RAB20: variants seen among roughly 807,000 people sequenced by gnomAD.
The protein encoded by RAB20 is ras-related protein Rab-20.
RAB20 carries 2 observed loss-of-function variants against 3.7 expected under a neutral mutation model. The ratio of observed to expected loss-of-function variants is 0.54; its 90% CI spans 0.22 to 1.69. The LOEUF (loss-of-function observed/expected upper bound fraction) is 1.69, where lower values mean the gene tolerates loss of function less well. RAB20 is among the 40% of genes most tolerant of loss of function. The probability of loss-of-function intolerance (pLI) is 0.19; values close to 1 mark genes in which losing one functional copy is unlikely to be tolerated. For missense variants in RAB20, 276 were observed against 311.9 expected (o/e 0.88, Z 0.87); for synonymous variants, 126 against 130.8 (o/e 0.96, Z 0.25).
chr13:110,531,270 C>G (rs1884536132), intron 1 of RAB20, among the ~76,000 whole-genome samples: 1 of 152,218 alleles, frequency 6.6e-6, no homozygotes, highest in Admixed American at 6.5e-5. Context: ...CCTAGGGCCC[C>G]TTTGAGGTGG....
chr13:110,543,536 T>C (rs1337451001), intron 1 of RAB20, among the ~76,000 whole-genome samples: 3 of 152,240 alleles, frequency 2.0e-5, no homozygotes, highest in Non-Finnish European at 4.4e-5. Context: ...TTTCCAAATA[T>C]CTCCTCCCAT....
At chr13:110,554,262 C>T (rs1377299278) in intron 1 of RAB20, among the ~76,000 whole-genome samples, 1 of 152,236 alleles carries the variant, frequency 6.6e-6, no homozygotes, top group Non-Finnish European at 1.5e-5. Context: ...TGTCAGCCAG[C>T]CATGGGGTCC....
At chr13:110,545,509 T>C (rs1884836702) in intron 1 of RAB20, among the ~76,000 whole-genome samples, 1 of 152,222 alleles carries the variant, frequency 6.6e-6, no homozygotes, top group South Asian at 2.1e-4. Flanking sequence ...TGCCCACGCT[T>C]AGCAGAGCAT....
intron 1 of RAB20, among the ~76,000 whole-genome samples, chr13:110,541,854 G>A (rs1248076673): frequency 7.1e-6 from 1 of 140,992 alleles, no homozygotes; most frequent in Non-Finnish European, 1.5e-5. Context: ...TCACATACAT[G>A]CACGTACATG....
intron 1 of RAB20, among the ~76,000 whole-genome samples, chr13:110,548,636 G>A (rs1431857420): frequency 6.6e-6 from 1 of 152,000 alleles, no homozygotes; most frequent in Non-Finnish European, 1.5e-5. Context: ...TTTATGCGGG[G>A]TCTGTCGGTG....
rs1174731284 is a variant in RAB20, at chr13:110,523,672, C to T, written c.698G>A (p.Cys233Tyr). 6.2e-7 allele frequency: 1 copy of T among 1,612,412 alleles called. No individual in the cohort carries two copies. The highest frequency in any genetic ancestry group is 1.7e-4 in the Middle Eastern group (1 of 6,056). ...KPPKRTRSGC[C>Y]A ...CCAGGAGGCCCTCGAAAGTCAGGCA[C>T]AACACCCAGATCTGGTCCTCTTGGG... Residue 233 changes from cysteine to tyrosine, a missense_variant, in exon 2 of 2, where the codon TGT (cysteine) becomes TAT (tyrosine). Cys to Tyr is a radical substitution (Grantham distance 194, BLOSUM62 -2). Coordinates refer to ENST00000267328, the MANE Select transcript of RAB20 (RefSeq NM_017817.3).
At chr13:110,538,597 C>CAAAAAAAAAAAAAAA (rs67409356) in intron 1 of RAB20, among the ~76,000 whole-genome samples, 4 of 70,676 alleles carry the variant, frequency 5.7e-5, no homozygotes, top group Admixed American at 1.8e-4. Context: ...GATCTTCTCT[C>CAAAAAAAAAAAAAAA]AAAAAAAAAA....
chr13:110,541,208 CG>C (rs1433778609), intron 1 of RAB20, among the ~76,000 whole-genome samples: 2 of 152,198 alleles, frequency 1.3e-5, no homozygotes, highest in African/African-American at 4.8e-5. Flanking sequence ...GTCACGGTCA[CG>C]GCGCAGCAAC....
rs1059289 is a variant in RAB20 at position 110,523,362 on chromosome 13, T to A, written c.*303A>T. The A allele has an allele frequency of 0.19, 98,540 of 529,494 alleles. 9,795 individuals are homozygous for A. Among genetic ancestry groups the A allele is most frequent in the Admixed American group, 0.24 (6,599 of 27,522 alleles). The allele number at this position is 529,494 out of a possible 1,614,324, so 32.8% of individuals were successfully genotyped here. A position where few individuals can be genotyped will look rare whatever the true frequency, so the allele number is the denominator to read the frequency against. ...TCTGCAAGGGCAAGGGGGCCGTTGGTGGCTGGCTGCAAAGGACCAGTGCCA... is the reference window on the plus strand; with the variant it reads ...TCTGCAAGGGCAAGGGGGCCGTTGGAGGCTGGCTGCAAAGGACCAGTGCCA... On this transcript the variant is annotated 3_prime_UTR_variant, in exon 2 of 2. Coordinates refer to ENST00000267328, the MANE Select transcript of RAB20 (RefSeq NM_017817.3).
chr13:110,525,996 A>C (rs1353073257), intron 1 of RAB20, among the ~76,000 whole-genome samples: 1 of 152,112 alleles, frequency 6.6e-6, no homozygotes, highest in African/African-American at 2.4e-5. Context: ...GCTCCCAACC[A>C]CACCTGCCGG....
chr13:110,546,719 GT>G (rs774037902), intron 1 of RAB20, among the ~76,000 whole-genome samples: 1 of 122,740 alleles, frequency 8.1e-6, no homozygotes, highest in East Asian at 2.4e-4. Context: ...TGTTTTTTGG[GT>G]TTTTTGTTTG....
At chr13:110,538,652 G>C (rs1002963589) in intron 1 of RAB20, among the ~76,000 whole-genome samples, 3 of 141,798 alleles carry the variant, frequency 2.1e-5, no homozygotes, top group Non-Finnish European at 4.7e-5. Context: ...AAGAAATAAA[G>C]AAAGGCTGAG....
intron 1 of RAB20, among the ~76,000 whole-genome samples, chr13:110,541,207 A>ACGG (rs1884756348): frequency 6.6e-6 from 1 of 152,194 alleles, no homozygotes; most frequent in Non-Finnish European, 1.5e-5. Flanking sequence ...GGTCACGGTC[A>ACGG]CGGCGCAGCA....
chr13:110,545,845 C>G (rs1478753107), intron 1 of RAB20, among the ~76,000 whole-genome samples: 1 of 152,166 alleles, frequency 6.6e-6, no homozygotes, highest in African/African-American at 2.4e-5. Flanking sequence ...CCTTCGTTCT[C>G]TATTATTAAG....
intron 1 of RAB20, among the ~76,000 whole-genome samples, chr13:110,528,781 G>A (rs1429396137): frequency 6.6e-6 from 1 of 152,120 alleles, no homozygotes; most frequent in Non-Finnish European, 1.5e-5. Flanking sequence ...AATATAAAAG[G>A]AAAGATCTTA....
At chr13:110,540,464 C>T (rs1219475308) in intron 1 of RAB20, among the ~76,000 whole-genome samples, 1 of 152,082 alleles carries the variant, frequency 6.6e-6, no homozygotes, top group African/African-American at 2.4e-5. Context: ...ACAGGGAGGC[C>T]GGGCGCAGTG....
At chr13:110,560,843 G>A (rs935799135) in intron 1 of RAB20, among the ~76,000 whole-genome samples, 1 of 151,960 alleles carries the variant, frequency 6.6e-6, no homozygotes, top group Non-Finnish European at 1.5e-5. Context: ...GATATGCTCC[G>A]GGCTAAGAGG....
chr13:110,531,865 T>C (rs1168203130), intron 1 of RAB20, among the ~76,000 whole-genome samples: 1 of 152,180 alleles, frequency 6.6e-6, no homozygotes, highest in African/African-American at 2.4e-5. Flanking sequence ...TCAGTGGAGC[T>C]GACATGGCCC....
chr13:110,528,259 A>G (rs1884467077), intron 1 of RAB20, among the ~76,000 whole-genome samples: 1 of 150,076 alleles, frequency 6.7e-6, no homozygotes, highest in Non-Finnish European at 1.5e-5. Context: ...TCTACTAAAA[A>G]TACAAAATTA....
Sources: gnomAD v4.1 joint callset for allele counts (sites outside exome capture counted in the v4.1 genomes callset) on GRCh38, gnomAD v4.1.1 for gene constraint, MANE v1.5 for transcripts, NCBI Gene and HGNC (gene_info 2026-07-23, HGNC 2026-07-21) for gene names.